Variants in SH3BP4 observed in about 807,000 individuals in gnomAD.
SH3BP4 encodes SH3 domain-binding protein 4.
SH3BP4 carries 33 observed loss-of-function variants against 65.5 expected under a neutral mutation model. The observed-to-expected ratio is 0.50, with a 90% confidence interval of 0.38 to 0.67. SH3BP4 has a LOEUF of 0.67. SH3BP4 is among the 30% of genes least tolerant of loss of function. The pLI, the probability that SH3BP4 is intolerant of heterozygous loss-of-function variation, is 0.00. For missense variants in SH3BP4, 1,134 were observed against 1,261.4 expected (o/e 0.90, Z 1.53); for synonymous variants, 552 against 545.5 (o/e 1.01, Z -0.17).
intron 1 of SH3BP4, among the ~76,000 whole-genome samples, chr2:234,990,858 C>G (rs545073794): frequency 1.3e-5 from 2 of 152,166 alleles, no homozygotes; most frequent in South Asian, 4.1e-4. Context: ...AGTTCCAGCC[C>G]TTTCTCCCTT....
At chr2:234,960,388 A>T (rs1398724960) in intron 1 of SH3BP4, among the ~76,000 whole-genome samples, 3 of 152,222 alleles carry the variant, frequency 2.0e-5, no homozygotes, top group Non-Finnish European at 4.4e-5. Flanking sequence ...TTCAGTACAG[A>T]GCAGCAGCCA....
At chr2:234,983,653 T>A (rs1474287720) in intron 1 of SH3BP4, among the ~76,000 whole-genome samples, 2 of 152,234 alleles carry the variant, frequency 1.3e-5, no homozygotes, top group Non-Finnish European at 2.9e-5. Flanking sequence ...TGAGATACCC[T>A]GGATTACCCA....
rs900465359 is a variant in SH3BP4, at chr2:235,035,596, A to G, written c.118+476A>G. 8.5e-5 allele frequency among the ~76,000 whole-genome samples: 13 copies of G among 152,238 alleles called. No individual in the cohort carries two copies. The highest frequency in any genetic ancestry group is 5.9e-5 in the Non-Finnish European group (4 of 68,044). On this transcript the variant is annotated intron_variant, in intron 3 of 5. Coordinates refer to ENST00000392011, the MANE Select transcript of SH3BP4 (RefSeq NM_014521.3). The surrounding 1 kb of genome is among the most constrained non-coding windows in gnomAD (Gnocchi z 5.0). ...GCTGCCTCGTTGCATGAAAGCATCC[A>G]TGAAGTTAAGTCATTAAATAGCCAG...
intron 1 of SH3BP4, among the ~76,000 whole-genome samples, chr2:234,986,429 T>C (rs548338563): frequency 1.3e-5 from 2 of 152,334 alleles, no homozygotes; most frequent in East Asian, 1.9e-4. Context: ...CAGGCAGGAA[T>C]GTTAACTTCT....
chr2:234,994,157 C>A (rs555602149), intron 1 of SH3BP4, among the ~76,000 whole-genome samples: 2 of 152,270 alleles, frequency 1.3e-5, no homozygotes, highest in South Asian at 2.1e-4. Context: ...CCCCTCCACA[C>A]CCTTCTATTG....
rs1692980641 is a variant in SH3BP4, at chr2:234,970,864, T to C, written c.-207+18694T>C. On this transcript the variant is annotated intron_variant, in intron 1 of 5. Transcript: ENST00000392011. ...GGTTGACTTTTTTTTTTTAACTGCG[T>C]TGGAATTGTTCTGTAGGTTATCACG... Among the ~76,000 whole-genome samples the C allele has an allele frequency of 2.6e-5, 4 of 152,214 alleles. 1 individual carries two copies. Among genetic ancestry groups the C allele is most frequent in the Admixed American group, 1.3e-4 (2 of 15,294 alleles).
At chr2:234,953,066 T>A (rs1162266132) in intron 1 of SH3BP4, 1 of 152,248 alleles carries the variant, frequency 6.6e-6, no homozygotes, top group Non-Finnish European at 1.5e-5. Flanking sequence ...TGGAGCCTGA[T>A]GGATCGATGA....
rs140298517 is a variant in SH3BP4 at position 235,047,268 on chromosome 2, T to A, written c.2478+4021T>A. The stretch of plus-strand genomic sequence containing the variant: ...AAGGAGAAATGTGCACATTCACATT[T>A]AAGCCTTGTGCTCCTTCAGGGGTCC... On this transcript the variant is annotated intron_variant, in intron 4 of 5. Coordinates refer to ENST00000392011, the MANE Select transcript of SH3BP4 (RefSeq NM_014521.3). 3.9e-3 allele frequency among the ~76,000 whole-genome samples: 601 copies of A among 152,314 alleles called. 3 individuals carry two copies. The highest frequency in any genetic ancestry group is 0.014 in the African/African-American group (589 of 41,568).
At chr2:234,987,249 C>G (rs1297746079) in intron 1 of SH3BP4, among the ~76,000 whole-genome samples, 3 of 151,750 alleles carry the variant, frequency 2.0e-5, no homozygotes, top group African/African-American at 7.3e-5. Flanking sequence ...GAACTACTGC[C>G]TTAGTCACAG....
At chr2:235,037,103 C>T (rs1277108094) in intron 3 of SH3BP4, among the ~76,000 whole-genome samples, 3 of 152,166 alleles carry the variant, frequency 2.0e-5, no homozygotes, top group African/African-American at 7.2e-5. Flanking sequence ...TGCAGAAGAA[C>T]GTAGGCAGAC....
chr2:235,043,356 G>A, intron 4 of SH3BP4, 109 bp downstream of exon 4: 1 of 785,190 alleles, frequency 1.3e-6, no homozygotes, highest in Admixed American at 2.8e-5. Flanking sequence ...CACCAGGACA[G>A]TGTCTGTGGC....
rs1388649661 is a variant in SH3BP4 at position 234,978,593 on chromosome 2, G to A, written c.-206-16710G>A. The A allele has an allele frequency of 2.6e-5, 4 of 152,198 alleles. No individual in the cohort carries two copies. The highest frequency in any genetic ancestry group is 6.5e-5 in the Admixed American group (1 of 15,288). The allele number at this position is 152,198 out of a possible 1,614,324, so 9.4% of individuals were successfully genotyped here. A position where few individuals can be genotyped will look rare whatever the true frequency, so the allele number is the denominator to read the frequency against. ...GTGTAGAAAGTTCTTTTGTCCGGGT[G>A]ACATTGGCATGATTGAATCAGTGCC... On this transcript the variant is annotated intron_variant, in intron 1 of 5. Transcript: ENST00000392011. This position sits in a 1 kb window ranked among gnomAD's most constrained non-coding sequence, Gnocchi z 4.1.
chr2:235,001,355 TAAC>T (rs913732559), intron 2 of SH3BP4, among the ~76,000 whole-genome samples: 5 of 152,136 alleles, frequency 3.3e-5, no homozygotes, highest in Non-Finnish European at 5.9e-5. Context: ...CAAAAAACGT[TAAC>T]AACCTCTGAG....
At chr2:235,018,291 G>A (rs1003671388) in intron 2 of SH3BP4, among the ~76,000 whole-genome samples, 9 of 152,094 alleles carry the variant, frequency 5.9e-5, no homozygotes, top group African/African-American at 2.2e-4. Context: ...CAGGGGGCTT[G>A]GTAGAGCAAT....
chr2:234,960,872 G>A (rs1559223504), intron 1 of SH3BP4, among the ~76,000 whole-genome samples: 3 of 152,202 alleles, frequency 2.0e-5, no homozygotes, highest in Non-Finnish European at 2.9e-5. Flanking sequence ...CATGGCTCAC[G>A]TATCATGTTC....
At chr2:235,038,364 A>T (rs1405895495) in intron 3 of SH3BP4, among the ~76,000 whole-genome samples, 2 of 33,476 alleles carry the variant, frequency 6.0e-5, no homozygotes, top group African/African-American at 5.2e-4. Context: ...ATATATATAT[A>T]TAATATATAT....
intron 4 of SH3BP4, among the ~76,000 whole-genome samples, chr2:235,044,454 G>A (rs1374689837): frequency 6.6e-6 from 1 of 152,234 alleles, no homozygotes; most frequent in Non-Finnish European, 1.5e-5. Flanking sequence ...TTGTGGTGGA[G>A]AGTCCCTGTG....
chr2:234,955,387 T>C (rs1389145009), intron 1 of SH3BP4, among the ~76,000 whole-genome samples: 1 of 152,016 alleles, frequency 6.6e-6, no homozygotes, highest in African/African-American at 2.4e-5. Flanking sequence ...AAACAATTCA[T>C]CTAGCCCCCA....
chr2:234,958,852 G>C (rs916578280), intron 1 of SH3BP4, among the ~76,000 whole-genome samples: 1 of 152,122 alleles, frequency 6.6e-6, no homozygotes, highest in Admixed American at 6.5e-5. Context: ...CCACGCAGAA[G>C]AATGTTGGTG....
Sources: gnomAD v4.1 joint callset for allele counts (sites outside exome capture counted in the v4.1 genomes callset) on GRCh38, gnomAD v4.1.1 for gene constraint, Gnocchi (gnomAD v3.1) non-coding constraint, MANE v1.5 for transcripts, NCBI Gene and HGNC (gene_info 2026-07-23, HGNC 2026-07-21) for gene names.